Variants in GLT1D1 observed in about 807,000 individuals in gnomAD.
GLT1D1 encodes the protein glycosyltransferase 1 domain containing 1, also known as glycosyltransferase 1 domain-containing protein 1.
A neutral mutation model predicts 28.7 loss-of-function variants in GLT1D1; 21 were observed. The observed-to-expected ratio is 0.73, with a 90% CI of 0.52 to 1.05. GLT1D1 has a LOEUF of 1.05. Among genes scored for constraint, GLT1D1 ranks in the 50% least tolerant of loss-of-function variants. The pLI is 0.00. For missense variants in GLT1D1, 343 were observed against 330.6 expected (o/e 1.04, Z -0.29); for synonymous variants, 147 against 124.8 (o/e 1.18, Z -1.19).
intron 1 of GLT1D1, among the ~76,000 whole-genome samples, chr12:128,860,786 C>T (rs1013643959): frequency 1.3e-5 from 2 of 152,084 alleles, no homozygotes; most frequent in African/African-American, 2.4e-5. Context: ...GTAGGGCACA[C>T]CTGGTGGTGA....
chr12:128,939,837 A>AACCC (rs1874958956), intron 4 of GLT1D1, among the ~76,000 whole-genome samples: 1 of 97,600 alleles, frequency 1.0e-5, no homozygotes, highest in African/African-American at 4.7e-5. Flanking sequence ...ATTGTTAGAA[A>AACCC]CCCCCCCCCA....
intron 1 of GLT1D1, among the ~76,000 whole-genome samples, chr12:128,871,086 G>T (rs2135784051): frequency 1.3e-5 from 2 of 152,244 alleles, no homozygotes; most frequent in East Asian, 3.9e-4. Context: ...TATCGATTCT[G>T]CATAAGTCAT....
intron 6 of GLT1D1, among the ~76,000 whole-genome samples, chr12:128,950,097 G>A (rs1312538560): frequency 1.3e-5 from 2 of 152,136 alleles, no homozygotes; most frequent in Non-Finnish European, 2.9e-5. Context: ...GTGTGGATAC[G>A]GCAGTGCGAG....
intron 4 of GLT1D1, among the ~76,000 whole-genome samples, chr12:128,931,915 A>ACGCACG (rs1555270729): frequency 4.0e-5 from 6 of 150,260 alleles, no homozygotes; most frequent in South Asian, 2.1e-4. Flanking sequence ...ACACACACGC[A>ACGCACG]CGCACACACA....
At position 128,865,822 on chromosome 12, in the gene GLT1D1, GAAAAC is replaced by G. The variant is rs540297094; in HGVS notation, c.69-10072_69-10068del. Among the ~76,000 whole-genome samples, 535 of 151,494 alleles carry G rather than the reference GAAAAC, an allele frequency of 3.5e-3. 1 individual carries two copies. The highest frequency in any genetic ancestry group is 0.012 in the African/African-American group (494 of 41,272). On this transcript the variant is annotated intron_variant, in intron 1 of 7. Transcript: ENST00000281703. ...GGGTGACAGGGCGAGACTCTGCCAC[GAAAAC>G]AAAACAAAACAAAACAAAAAAACCC...
At chr12:128,862,971 G>T (rs1956417376) in intron 1 of GLT1D1, among the ~76,000 whole-genome samples, 1 of 152,206 alleles carries the variant, frequency 6.6e-6, no homozygotes, top group African/African-American at 2.4e-5. Context: ...AGCCGACCTA[G>T]TTCCAGAGGG....
At chr12:128,866,550 G>A (rs1406210997) in intron 1 of GLT1D1, among the ~76,000 whole-genome samples, 1 of 148,242 alleles carries the variant, frequency 6.7e-6, no homozygotes, top group Admixed American at 6.8e-5. Context: ...TCTGTGTGCT[G>A]GACTTTGTTA....
Position 128,899,307 on chromosome 12 carries a change from T to A in GLT1D1, c.375+20T>A. On this transcript the variant is annotated intron_variant, in intron 4 of 7. Coordinates refer to ENST00000281703, the MANE Select transcript of GLT1D1 (RefSeq NM_144669.3). ...CAGTGGGTATGTGTTTATCTGGTGTTGTTATTTTGGTTGTGCTGATGAAAT... is the reference window on the plus strand; with the variant it reads ...CAGTGGGTATGTGTTTATCTGGTGTAGTTATTTTGGTTGTGCTGATGAAAT... The A allele has an allele frequency of 6.3e-7, 1 of 1,591,080 alleles. No homozygotes were observed. The highest frequency in any genetic ancestry group is 8.6e-7 in the Non-Finnish European group (1 of 1,164,870).
intron 4 of GLT1D1, among the ~76,000 whole-genome samples, 163 bp from the exon 7 acceptor site, chr12:128,926,193 CAAT>C (rs34967915): frequency 0.56 from 73,980 of 132,598 alleles, 22,145 homozygotes; most frequent in Non-Finnish European, 0.69. Flanking sequence ...GACTCTGTCT[CAAT>C]AATAATAATA....
At chr12:128,980,423 C>G (rs1345001576) in intron 7 of GLT1D1, among the ~76,000 whole-genome samples, 1 of 152,248 alleles carries the variant, frequency 6.6e-6, no homozygotes, top group Non-Finnish European at 1.5e-5. Flanking sequence ...CACTGTGTAA[C>G]TAAGAATCCC....
chr12:128,912,066 C>T (rs760348872), intron 4 of GLT1D1, among the ~76,000 whole-genome samples: 55 of 152,112 alleles, frequency 3.6e-4, no homozygotes, highest in Non-Finnish European at 6.9e-4. Context: ...CACGCAGGGG[C>T]GGGAGCTGCA....
intron 6 of GLT1D1, among the ~76,000 whole-genome samples, chr12:128,955,550 C>A (rs1040529356): frequency 1.3e-5 from 2 of 151,388 alleles, no homozygotes; most frequent in Admixed American, 6.6e-5. Context: ...GATCCACACA[C>A]CATTCATGCA....
chr12:128,977,490 T>A (rs778865831), intron 7 of GLT1D1, among the ~76,000 whole-genome samples: 13 of 152,196 alleles, frequency 8.5e-5, no homozygotes, highest in Non-Finnish European at 1.9e-4. Context: ...TACCTGTTGA[T>A]ATTTAACATG....
chr12:128,979,859 T>G (rs764109994), intron 7 of GLT1D1, among the ~76,000 whole-genome samples: 1 of 152,354 alleles, frequency 6.6e-6, no homozygotes, highest in Non-Finnish European at 1.5e-5. Flanking sequence ...TAACCTATAG[T>G]TGGGCTGTCA....
In GLT1D1 at chr12:128,973,780, C is replaced by T. The variant is rs184340836; in HGVS notation, c.640-9149C>T. On this transcript the variant is annotated intron_variant, in intron 7 of 7. Coordinates refer to ENST00000281703, the MANE Select transcript of GLT1D1 (RefSeq NM_144669.3). Reference sequence around the variant, plus strand: ...GGTGTGTGTTGAAATGGCTAGTGTTCTACTCGGCCCATCGTCTGGAAAGTG... The same window carrying T: ...GGTGTGTGTTGAAATGGCTAGTGTTTTACTCGGCCCATCGTCTGGAAAGTG... Among the ~76,000 whole-genome samples, 418 of 152,190 alleles carry T rather than the reference C, an allele frequency of 2.7e-3. 1 individual carries two copies. Among genetic ancestry groups the T allele is most frequent in the African/African-American group, 9.7e-3 (401 of 41,502 alleles).
chr12:128,937,568 C>T (rs1250935008), intron 4 of GLT1D1, among the ~76,000 whole-genome samples: 3 of 152,178 alleles, frequency 2.0e-5, no homozygotes, highest in Non-Finnish European at 4.4e-5. Context: ...CAGAGGATGA[C>T]ATTCCTGGTA....
intron 1 of GLT1D1, among the ~76,000 whole-genome samples, chr12:128,867,397 C>CAAAAAAA (rs1158997935): frequency 2.5e-4 from 15 of 59,296 alleles, no homozygotes; most frequent in South Asian, 6.7e-4. Flanking sequence ...AACTCCTTCT[C>CAAAAAAA]AAAAAAAAAA....
chr12:128,874,022 T>A (rs1358981540), intron 1 of GLT1D1, among the ~76,000 whole-genome samples: 11 of 97,026 alleles, frequency 1.1e-4, no homozygotes, highest in African/African-American at 4.5e-4. Context: ...CCCCTTCCCC[T>A]TCCTCCCTCC....
chr12:128,935,524 G>A (rs546009310), intron 4 of GLT1D1, among the ~76,000 whole-genome samples: 20 of 146,638 alleles, frequency 1.4e-4, no homozygotes, highest in African/African-American at 5.1e-4. Flanking sequence ...CTGGGTGACA[G>A]AGTGACTCTG....
Sources: gnomAD v4.1 joint callset for allele counts (sites outside exome capture counted in the v4.1 genomes callset) on GRCh38, gnomAD v4.1.1 for gene constraint, MANE v1.5 for transcripts, NCBI Gene and HGNC (gene_info 2026-07-23, HGNC 2026-07-21) for gene names.